Variants in RABGAP1L observed in about 807,000 individuals in gnomAD.
RABGAP1L encodes the protein RAB GTPase activating protein 1 like, also known as rab GTPase-activating protein 1-like.
Under a neutral mutation model 137.7 loss-of-function variants are expected in RABGAP1L, and 63 were observed. That is an observed-to-expected ratio of 0.46 (90% CI 0.37 to 0.56). RABGAP1L has a LOEUF of 0.56. RABGAP1L is among the 20% of genes least tolerant of loss of function. The pLI is 0.00. For synonymous variants in RABGAP1L, 431 were observed against 433.7 expected (o/e 0.99, Z 0.08); for missense variants, 1,095 against 1,244.0 (o/e 0.88, Z 1.80).
intron 13 of RABGAP1L, among the ~76,000 whole-genome samples, chr1:174,425,856 A>G (rs922081916): frequency 1.3e-5 from 2 of 152,064 alleles, no homozygotes; most frequent in African/African-American, 4.8e-5. Flanking sequence ...AAAATTTCCA[A>G]AACTTTTTAA....
At chr1:174,293,855 T>G (rs1336302648) in intron 10 of RABGAP1L, among the ~76,000 whole-genome samples, 1 of 152,148 alleles carries the variant, frequency 6.6e-6, no homozygotes, top group East Asian at 1.9e-4. Flanking sequence ...GTATTATCTA[T>G]TCTCTGTTCT....
At chr1:174,184,103 G>A (rs1666609629) in intron 1 of RABGAP1L, among the ~76,000 whole-genome samples, 1 of 151,876 alleles carries the variant, frequency 6.6e-6, no homozygotes, top group African/African-American at 2.4e-5. Context: ...TCCTGACCTC[G>A]TGATCTGCCC....
At chr1:174,391,312 G>A (rs1687191522) in intron 12 of RABGAP1L, among the ~76,000 whole-genome samples, 1 of 152,040 alleles carries the variant, frequency 6.6e-6, no homozygotes, top group African/African-American at 2.4e-5. Flanking sequence ...ATTGAAGAAA[G>A]GATTTTTTTC....
chr1:174,673,335 C>A (rs890077598), intron 14 of RABGAP1L, among the ~76,000 whole-genome samples: 1 of 151,998 alleles, frequency 6.6e-6, no homozygotes, highest in African/African-American at 2.4e-5. Flanking sequence ...GTGATAATAT[C>A]ATTAGCAGAA....
chr1:174,346,901 A>G (rs1682483532), intron 11 of RABGAP1L, among the ~76,000 whole-genome samples: 1 of 151,924 alleles, frequency 6.6e-6, no homozygotes, highest in African/African-American at 2.4e-5. Flanking sequence ...TGTATCCCAT[A>G]GGTTTTAGTA....
chr1:174,289,608 T>G (rs1676391692), intron 10 of RABGAP1L, among the ~76,000 whole-genome samples: 1 of 152,250 alleles, frequency 6.6e-6, no homozygotes, highest in Non-Finnish European at 1.5e-5. Flanking sequence ...TCACCTCTTC[T>G]AGCCTTTACA....
At chr1:174,598,526 G>C (rs367799748) in intron 13 of RABGAP1L, among the ~76,000 whole-genome samples, 1 of 152,100 alleles carries the variant, frequency 6.6e-6, no homozygotes, top group East Asian at 1.9e-4. Context: ...AACTATTACT[G>C]TATTGGGGTC....
Position 174,448,288 on chromosome 1 carries a change from AAC to A in RABGAP1L, c.1710+54145_1710+54146del. The A allele has an allele frequency of 2.5e-6, 4 of 1,613,400 alleles. No homozygotes were observed. Among genetic ancestry groups the A allele is most frequent in the Non-Finnish European group, 3.4e-6 (4 of 1,179,360 alleles). On this transcript the variant is annotated intron_variant, in intron 13 of 25. Coordinates refer to ENST00000681986, the MANE Select transcript of RABGAP1L (RefSeq NM_001366446.1). This position sits in a 1 kb window ranked among gnomAD's most constrained non-coding sequence, Gnocchi z 4.2. Reference sequence around the variant, plus strand: ...CATTTCTGATCATTGCTGGGAATCTAACAGTTATCTTTGTCTTTCATTGTGCT... The same window carrying A: ...CATTTCTGATCATTGCTGGGAATCTAAGTTATCTTTGTCTTTCATTGTGCT...
At chr1:174,390,586 A>C (rs1471954604) in intron 12 of RABGAP1L, among the ~76,000 whole-genome samples, 1 of 152,196 alleles carries the variant, frequency 6.6e-6, no homozygotes, top group Non-Finnish European at 1.5e-5. Context: ...CATTCTGCCT[A>C]CAATGTTGGA....
At chr1:174,754,253 C>T (rs1462920944) in intron 18 of RABGAP1L, among the ~76,000 whole-genome samples, 1 of 152,050 alleles carries the variant, frequency 6.6e-6, no homozygotes, top group African/African-American at 2.4e-5. Flanking sequence ...ATGTAACTTC[C>T]TTATATGAAT....
intron 14 of RABGAP1L, among the ~76,000 whole-genome samples, chr1:174,655,671 C>T (rs1195007510): frequency 6.6e-6 from 1 of 152,162 alleles, no homozygotes; most frequent in Admixed American, 6.5e-5. Flanking sequence ...CCCCATTTCT[C>T]ATCAGACTTT....
intron 10 of RABGAP1L, among the ~76,000 whole-genome samples, chr1:174,281,546 C>T (rs1445387672): frequency 6.6e-6 from 1 of 152,220 alleles, no homozygotes; most frequent in Non-Finnish European, 1.5e-5. Flanking sequence ...GGATTCGCCT[C>T]TCACCTTGAC....
At chr1:174,230,419 G>A (rs1402643176) in intron 3 of RABGAP1L, among the ~76,000 whole-genome samples, 1 of 151,996 alleles carries the variant, frequency 6.6e-6, no homozygotes, top group Non-Finnish European at 1.5e-5. Context: ...TAAAAAAAAA[G>A]GAAGTCAATT....
At chr1:174,491,086 A>G (rs563285933) in intron 13 of RABGAP1L, among the ~76,000 whole-genome samples, 1 of 152,194 alleles carries the variant, frequency 6.6e-6, no homozygotes, top group African/African-American at 2.4e-5. Flanking sequence ...CTGGTACCTA[A>G]GATGCAAGAC....
chr1:174,982,233 A>G (rs76792190), intron 23 of RABGAP1L, among the ~76,000 whole-genome samples: 1 of 152,042 alleles, frequency 6.6e-6, no homozygotes, highest in East Asian at 1.9e-4. Context: ...TGCTGAACCC[A>G]TCAACCCGTC....
chr1:174,634,770 A>T (rs1673790181), intron 13 of RABGAP1L, among the ~76,000 whole-genome samples: 1 of 144,832 alleles, frequency 6.9e-6, no homozygotes, highest in African/African-American at 2.8e-5. Context: ...ATTCTCAGTA[A>T]ACTATTGCAA....
chr1:174,328,905 TAAAC>T (rs1031895509), intron 11 of RABGAP1L, among the ~76,000 whole-genome samples: 16 of 151,370 alleles, frequency 1.1e-4, no homozygotes, highest in African/African-American at 3.6e-4. Flanking sequence ...AGATCTCAAA[TAAAC>T]AACCTAACTG....
chr1:174,393,876 C>G (rs1442337421), intron 12 of RABGAP1L, 119 bp from the exon 13 acceptor site: 2 of 1,126,254 alleles, frequency 1.8e-6, no homozygotes, highest in East Asian at 2.4e-5. Flanking sequence ...TGCCCCCCCA[C>G]AAACTGTTTT....
rs1449443908 is a variant in RABGAP1L, at chr1:174,379,111, A to G, written c.1559+8039A>G. 2.0e-3 allele frequency among the ~76,000 whole-genome samples: 286 copies of G among 145,376 alleles called. 5 individuals are homozygous for G. Among genetic ancestry groups the G allele is most frequent in the Non-Finnish European group, 2.6e-4 (17 of 66,000 alleles). On this transcript the variant is annotated intron_variant, in intron 12 of 25. Coordinates refer to ENST00000681986, the MANE Select transcript of RABGAP1L (RefSeq NM_001366446.1). ...CAGATAGTTGTAGATATGCGGCGTTATTTCTGAGGGCTCTGTTCTGTTCCA... is the reference window on the plus strand; with the variant it reads ...CAGATAGTTGTAGATATGCGGCGTTGTTTCTGAGGGCTCTGTTCTGTTCCA...
Sources: gnomAD v4.1 joint callset for allele counts (sites outside exome capture counted in the v4.1 genomes callset) on GRCh38, gnomAD v4.1.1 for gene constraint, Gnocchi (gnomAD v3.1) non-coding constraint, MANE v1.5 for transcripts, NCBI Gene and HGNC (gene_info 2026-07-23, HGNC 2026-07-21) for gene names.